The following PDZD2 variants were observed in gnomAD, a reference collection of about 807,000 sequenced individuals.
PDZD2 encodes PDZ domain containing 2, also known as PDZ domain-containing protein 2.
In PDZD2, 90 loss-of-function variants were observed where a neutral mutation model predicts 220.7. That is an observed-to-expected ratio of 0.41 (90% CI 0.34 to 0.49). PDZD2 has a LOEUF of 0.49. Among genes scored for constraint, PDZD2 ranks in the 20% least tolerant of loss-of-function variants. The pLI, the probability that PDZD2 is intolerant of heterozygous loss-of-function variation, is 0.28. For synonymous variants in PDZD2, 1,375 were observed against 1,450.5 expected, an observed-to-expected ratio of 0.95 and a Z score of 1.18; for missense variants, 3,174 against 3,608.5, an observed-to-expected ratio of 0.88 and a Z score of 3.08.
At chr5:31,990,949 T>C (rs1160683616) in intron 3 of PDZD2, among the ~76,000 whole-genome samples, 1 of 151,984 alleles carries the variant, frequency 6.6e-6, no homozygotes, top group Non-Finnish European at 1.5e-5. Context: ...GAGGATTGAG[T>C]GTCAGAAAAG....
chr5:32,041,741 G>A (rs1020900486), intron 7 of PDZD2, among the ~76,000 whole-genome samples: 1 of 151,742 alleles, frequency 6.6e-6, no homozygotes, highest in East Asian at 1.9e-4. Context: ...GAAAACCAGA[G>A]ACCTTTGTTC....
At chr5:32,036,689 A>C (rs74547798) in intron 6 of PDZD2, among the ~76,000 whole-genome samples, 3,120 of 152,342 alleles carry the variant, frequency 0.02, 101 homozygotes, top group African/African-American at 0.071. Context: ...ACTCCGGAGC[A>C]TAGCACACAG....
At chr5:32,065,916 C>T (rs1249954129) in intron 14 of PDZD2, among the ~76,000 whole-genome samples, 1 of 152,154 alleles carries the variant, frequency 6.6e-6, no homozygotes, top group East Asian at 1.9e-4. Flanking sequence ...ATCCCAGCTA[C>T]TCGGGGCCGA....
intron 1 of PDZD2, among the ~76,000 whole-genome samples, chr5:31,797,495 G>A (rs993420988): frequency 2.0e-5 from 3 of 151,538 alleles, no homozygotes; most frequent in Non-Finnish European, 2.9e-5. Flanking sequence ...CCACCACACC[G>A]AGCTAATTTT....
intron 1 of PDZD2, among the ~76,000 whole-genome samples, chr5:31,679,991 A>G (rs1474424171): frequency 6.6e-6 from 1 of 152,224 alleles, no homozygotes. Context: ...ACAGTCCTCA[A>G]AATGTTTAGC....
chr5:31,650,180 G>T (rs918089798), intron 1 of PDZD2, among the ~76,000 whole-genome samples: 13 of 151,932 alleles, frequency 8.6e-5, no homozygotes, highest in Non-Finnish European at 1.9e-4. Flanking sequence ...GCAGGAAAAT[G>T]AATTATCCAA....
intron 5 of PDZD2, among the ~76,000 whole-genome samples, chr5:32,004,961 C>T (rs1752686843): frequency 6.6e-6 from 1 of 152,224 alleles, no homozygotes; most frequent in Non-Finnish European, 1.5e-5. Flanking sequence ...TGAGGCCTTT[C>T]TCTTCTTCCA....
intron 1 of PDZD2, among the ~76,000 whole-genome samples, chr5:31,694,157 A>G (rs614605): frequency 0.76 from 115,913 of 152,130 alleles, 45,241 homozygotes; most frequent in East Asian, 0.93. Flanking sequence ...TTGGGAGGCC[A>G]TGGTGGGCAG....
At chr5:31,647,038 G>T (rs932653012) in intron 1 of PDZD2, among the ~76,000 whole-genome samples, 2 of 152,098 alleles carry the variant, frequency 1.3e-5, no homozygotes, top group African/African-American at 4.8e-5. Flanking sequence ...CTTTATTGGT[G>T]GCAGCTGTGG....
chr5:31,672,647 A>AT (rs1309380909), intron 1 of PDZD2, among the ~76,000 whole-genome samples: 2 of 152,048 alleles, frequency 1.3e-5, no homozygotes, highest in African/African-American at 4.8e-5. Flanking sequence ...GGAGTCTAGT[A>AT]TTTTTTCTTT....
chr5:31,989,424 T>TTTTTTTTTTTTTTTTTTTTTTTTTTTTTA (rs1429240437), intron 3 of PDZD2, among the ~76,000 whole-genome samples: 2 of 136,754 alleles, frequency 1.5e-5, no homozygotes, highest in African/African-American at 5.8e-5. Context: ...TTCTTTTCTT[T>TTTTTTTTTTTTTTTTTTTTTTTTTTTTTA]TTTTTTTTTT....
chr5:31,688,115 C>T (rs395391), intron 1 of PDZD2, among the ~76,000 whole-genome samples: 104,649 of 151,978 alleles, frequency 0.69, 36,436 homozygotes, highest in East Asian at 0.93. Context: ...AGTGTAGCAC[C>T]TCGCAAATAA....
intron 6 of PDZD2, among the ~76,000 whole-genome samples, chr5:32,016,264 G>A (rs190619360): frequency 2.0e-5 from 3 of 152,268 alleles, no homozygotes; most frequent in Admixed American, 1.3e-4. Context: ...TCAAATGTCC[G>A]CTCTAAATGT....
chr5:31,914,311 C>A (rs1743485576), intron 2 of PDZD2, among the ~76,000 whole-genome samples: 1 of 152,172 alleles, frequency 6.6e-6, no homozygotes, highest in Non-Finnish European at 1.5e-5. Flanking sequence ...GCGGGTGGAT[C>A]ACGAGGTCAG....
At chr5:31,888,150 TTTTTA>T (rs1740687511) in intron 2 of PDZD2, among the ~76,000 whole-genome samples, 1 of 151,906 alleles carries the variant, frequency 6.6e-6, no homozygotes, top group African/African-American at 2.4e-5. Context: ...TTCTTTTTCT[TTTTTA>T]TTTTCTCTTC....
At chr5:31,879,791 A>T (rs2150334533) in intron 2 of PDZD2, among the ~76,000 whole-genome samples, 1 of 151,748 alleles carries the variant, frequency 6.6e-6, no homozygotes, top group Non-Finnish European at 1.5e-5. Context: ...AGAGGAAAAA[A>T]TGTTTATTTC....
At chr5:31,833,403 G>A (rs1275037109) in intron 2 of PDZD2, among the ~76,000 whole-genome samples, 1 of 151,874 alleles carries the variant, frequency 6.6e-6, no homozygotes, top group Admixed American at 6.6e-5. Flanking sequence ...GGAAGGCAGA[G>A]GTTGCAGTGA....
intron 1 of PDZD2, among the ~76,000 whole-genome samples, chr5:31,687,234 G>A (rs944455979): frequency 1.3e-5 from 2 of 152,110 alleles, no homozygotes; most frequent in Admixed American, 1.3e-4. Context: ...GCAGAGAAAT[G>A]CAAGAGTGTA....
chr5:31,879,016 G>T (rs1457489383), intron 2 of PDZD2, among the ~76,000 whole-genome samples: 2 of 152,086 alleles, frequency 1.3e-5, no homozygotes, highest in South Asian at 2.1e-4. Context: ...ACATTGATAT[G>T]GTCATTCACT....
Sources: gnomAD v4.1 joint callset for allele counts (sites outside exome capture counted in the v4.1 genomes callset) on GRCh38, gnomAD v4.1.1 for gene constraint, MANE v1.5 for transcripts, NCBI Gene and HGNC (gene_info 2026-07-23, HGNC 2026-07-21) for gene names.